The following TEC variants were observed in gnomAD, a reference collection of about 807,000 sequenced individuals.
The protein encoded by TEC is tec protein tyrosine kinase.
A neutral mutation model predicts 93.0 loss-of-function variants in TEC; 72 were observed. The ratio of observed to expected loss-of-function variants is 0.77; its 90% CI spans 0.64 to 0.94. The LOEUF (loss-of-function observed/expected upper bound fraction) is 0.94. Among genes scored for constraint, TEC ranks in the 40% least tolerant of loss-of-function variants. The probability of loss-of-function intolerance (pLI) is 0.00; values close to 1 mark genes in which losing one functional copy is unlikely to be tolerated. For missense variants in TEC, 630 were observed against 757.9 expected (o/e 0.83, Z 1.98); for synonymous variants, 249 against 247.7 (o/e 1.01, Z -0.05).
chr4:48,166,601 G>A (rs1359082494), intron 7 of TEC, among the ~76,000 whole-genome samples: 3 of 151,446 alleles, frequency 2.0e-5, no homozygotes, highest in Non-Finnish European at 4.4e-5. Context: ...AAAATGGAAG[G>A]ATTAGACTGG....
intron 14 of TEC, among the ~76,000 whole-genome samples, chr4:48,142,686 A>G (rs543741635): frequency 2.6e-5 from 4 of 151,890 alleles, no homozygotes; most frequent in African/African-American, 4.8e-5. Context: ...TTAATTTTTT[A>G]ATTTTTTATT....
chr4:48,265,516 T>TATATATA (rs577783171), intron 1 of TEC, among the ~76,000 whole-genome samples: 1 of 43,658 alleles, frequency 2.3e-5, no homozygotes, highest in African/African-American at 4.4e-5. Flanking sequence ...TATATATATA[T>TATATATA]TTTTTTTTTT....
chr4:48,160,059 A>T (rs1261165042), intron 8 of TEC, among the ~76,000 whole-genome samples: 1 of 152,224 alleles, frequency 6.6e-6, no homozygotes, highest in Non-Finnish European at 1.5e-5. Flanking sequence ...TGCTCTAAGC[A>T]CGTTACATTT....
rs574632678 is a variant in TEC, at chr4:48,266,381, A to C, written c.-46+3371T>G. Among the ~76,000 whole-genome samples, 52 of 152,338 alleles carry C rather than the reference A, an allele frequency of 3.4e-4. 1 individual carries two copies. The South Asian group carries it at 9.9e-3, about 29-fold the overall frequency. Reference sequence around the variant, plus strand: ...AATGTACCAAAGGCACCCAGTCTGGATTATAGCAAGCCAGTAGGCTCAGGA... The same window carrying C: ...AATGTACCAAAGGCACCCAGTCTGGCTTATAGCAAGCCAGTAGGCTCAGGA... On this transcript the variant is annotated intron_variant, in intron 1 of 17. Transcript: ENST00000381501.
chr4:48,212,157 A>AT (rs961720470), intron 2 of TEC, among the ~76,000 whole-genome samples: 4 of 149,600 alleles, frequency 2.7e-5, no homozygotes, highest in Non-Finnish European at 4.4e-5. Context: ...TCACAGAAAT[A>AT]TTTTTTTTCT....
At position 48,158,818 on chromosome 4, in the gene TEC, T is replaced by C. The variant is rs569960188; in HGVS notation, c.738-2084A>G. Among the ~76,000 whole-genome samples, 3 of 152,274 alleles carry C rather than the reference T, an allele frequency of 2.0e-5. No homozygotes were observed. In the East Asian group the frequency reaches 5.8e-4, roughly 29 times the overall value. On this transcript the variant is annotated intron_variant, in intron 8 of 17. Coordinates refer to ENST00000381501, the MANE Select transcript of TEC (RefSeq NM_003215.3). ...AAGGAGGAGGAAAGAAGGAATCCAC[T>C]GCACAAAAGGAAGGCTCTTGAAAAT...
intron 2 of TEC, among the ~76,000 whole-genome samples, chr4:48,227,827 A>G (rs1723523308): frequency 6.6e-6 from 1 of 152,082 alleles, no homozygotes. Context: ...TGTCAGAAGC[A>G]AAAGAACCAG....
intron 2 of TEC, among the ~76,000 whole-genome samples, chr4:48,210,830 T>G (rs1418564436): frequency 6.6e-6 from 1 of 152,094 alleles, no homozygotes; most frequent in Non-Finnish European, 1.5e-5. Flanking sequence ...AATGACACAA[T>G]TACACTCATT....
chr4:48,262,210 T>TTTTTTTTTTTTTTTC, intron 1 of TEC, among the ~76,000 whole-genome samples: 1 of 138,050 alleles, frequency 7.2e-6, no homozygotes, highest in Non-Finnish European at 1.6e-5. Context: ...TCTTTTTTTT[T>TTTTTTTTTTTTTTTC]TTTTGAGACG....
intron 1 of TEC, among the ~76,000 whole-genome samples, chr4:48,262,201 CTTT>C (rs10659576): frequency 1.2e-5 from 1 of 80,208 alleles, no homozygotes; most frequent in South Asian, 5.8e-4. Flanking sequence ...CCAAATGTCT[CTTT>C]TTTTTTTTTT....
At chr4:48,266,838 C>CA (rs5858113) in intron 1 of TEC, among the ~76,000 whole-genome samples, 1,763 of 132,342 alleles carry the variant, frequency 0.013, 32 homozygotes, top group African/African-American at 0.046. Context: ...AACTCTGTCT[C>CA]AAAAAAAAAA....
Position 48,149,670 on chromosome 4 carries a change from C to T in TEC, c.893G>A (p.Arg298Lys), listed in dbSNP as rs527854494. Residue 298 changes from arginine to lysine, a missense_variant, in exon 11 of 18, where the codon AGG becomes AAG. Around this residue, in one of 3 missense-constraint regions of TEC, gnomAD observed 335 missense variants for 351.5 expected, o/e 0.95. Coordinates refer to ENST00000381501, the MANE Select transcript of TEC (RefSeq NM_003215.3). ...KFGGEGSSGF[R>K]HYHIKETTTS... ...TGTTGTTTCCTTTATATGATAATGC[C>T]TAAAACCCGATGAACCTTCTCTAGA... 2 of 1,606,942 alleles carry T rather than the reference C, an allele frequency of 1.2e-6. No homozygotes were observed. Among genetic ancestry groups the T allele is most frequent in the East Asian group, 2.2e-5 (1 of 44,572 alleles).
intron 2 of TEC, among the ~76,000 whole-genome samples, chr4:48,203,497 A>C (rs1249337859): frequency 6.6e-6 from 1 of 152,196 alleles, no homozygotes; most frequent in Non-Finnish European, 1.5e-5. Context: ...CAGACCATTC[A>C]GTCAGCCCTG....
chr4:48,169,725 C>T (rs1369280110), intron 5 of TEC, among the ~76,000 whole-genome samples: 1 of 152,212 alleles, frequency 6.6e-6, no homozygotes, highest in Non-Finnish European at 1.5e-5. Flanking sequence ...AAGGGTCTCT[C>T]ATTCCCAGGA....
intron 9 of TEC, chr4:48,153,335 T>A (rs1171944687): frequency 6.6e-6 from 1 of 152,002 alleles, no homozygotes; most frequent in Non-Finnish European, 1.5e-5. Context: ...AGTGCAACAA[T>A]TGCAGGAAAA....
At chr4:48,198,715 C>A (rs772387012) in intron 2 of TEC, among the ~76,000 whole-genome samples, 1 of 151,726 alleles carries the variant, frequency 6.6e-6, no homozygotes, top group Non-Finnish European at 1.5e-5. Flanking sequence ...TTTAAAAGGC[C>A]CCAGCTGGAA....
chr4:48,239,142 GCT>G (rs1441649877), intron 1 of TEC, among the ~76,000 whole-genome samples: 2 of 151,602 alleles, frequency 1.3e-5, no homozygotes, highest in African/African-American at 2.4e-5. Context: ...GAAAAAAAAA[GCT>G]CTCTTTCAAA....
intron 1 of TEC, among the ~76,000 whole-genome samples, chr4:48,260,880 A>C (rs1304769244): frequency 6.6e-6 from 1 of 152,236 alleles, no homozygotes; most frequent in African/African-American, 2.4e-5. Context: ...GGGATTCACA[A>C]AGATTCTCTC....
chr4:48,205,697 C>G (rs999643866), intron 2 of TEC, among the ~76,000 whole-genome samples: 5 of 152,128 alleles, frequency 3.3e-5, no homozygotes, highest in African/African-American at 1.2e-4. Context: ...GAGAAAATAA[C>G]AAGTGTAAAG....
Sources: allele counts gnomAD v4.1 joint callset (sites outside exome capture counted in the v4.1 genomes callset), GRCh38; gene constraint gnomAD v4.1.1; regional missense constraint gnomAD v4.1.1; transcripts MANE v1.5; gene names NCBI Gene and HGNC (gene_info 2026-07-23, HGNC 2026-07-21).